ZDHHC9: variants seen among roughly 807,000 people sequenced by gnomAD.
ZDHHC9 encodes the protein palmitoyltransferase ZDHHC9.
Under a neutral mutation model 26.6 loss-of-function variants are expected in ZDHHC9, and 3 were observed. The observed-to-expected ratio is 0.11, with a 90% confidence interval of 0.05 to 0.29. The LOEUF (loss-of-function observed/expected upper bound fraction) is 0.29, where lower values mean the gene tolerates loss of function less well. Among genes scored for constraint, ZDHHC9 ranks in the 10% least tolerant of loss-of-function variants. The pLI is 1.00. For missense variants in ZDHHC9, 146 were observed against 296.4 expected (o/e 0.49, Z 3.73); for synonymous variants, 111 against 109.4 (o/e 1.01, Z -0.09).
intron 5 of ZDHHC9, among the ~76,000 whole-genome samples, chrX:129,821,065 A>G (rs1157206401): frequency 1.8e-5 from 2 of 111,678 alleles, no homozygotes; most frequent in East Asian, 5.6e-4. Context: ...TCATTAGAGA[A>G]ATGCAAATCA....
chrX:129,810,946 T>C lies in ZDHHC9; in HGVS notation c.937A>G (p.Ser313Gly), dbSNP rs750190022. Residue 313 changes from serine to glycine, a missense_variant, in exon 10 of 11, where the codon AGT (serine) becomes GGT (glycine). Coordinates refer to ENST00000357166, the MANE Select transcript of ZDHHC9 (RefSeq NM_016032.4). ...PLEESGSRPPSTQETSSSLLP... is the reference protein window; with the variant it reads ...PLEESGSRPPGTQETSSSLLP... Reference sequence around the variant, plus strand: ...AGGCTGCTACTGGTCTCTTGAGTACTGGGAGGTCGACTTCCACTTTCCTCC... The same window carrying C: ...AGGCTGCTACTGGTCTCTTGAGTACCGGGAGGTCGACTTCCACTTTCCTCC... 15 of 1,211,733 alleles carry C rather than the reference T, an allele frequency of 1.2e-5. No homozygotes were observed. In the East Asian group the frequency reaches 2.1e-4, roughly 17 times the overall value.
intron 9 of ZDHHC9, among the ~76,000 whole-genome samples, 190 bp from the exon 10 acceptor site, chrX:129,811,191 GAACA>G (rs775237516): frequency 5.4e-5 from 6 of 111,612 alleles, no homozygotes; most frequent in Non-Finnish European, 9.4e-5. Flanking sequence ...ATTAACCAGG[GAACA>G]AACAAATGAA....
intron 7 of ZDHHC9, 98 bp from the exon 8 acceptor site, chrX:129,812,918 G>A (rs1308047617): frequency 1.2e-5 from 7 of 582,007 alleles, no homozygotes; most frequent in Admixed American, 4.9e-5. Context: ...TTACCTCCTG[G>A]AACGTATATC....
chrX:129,837,056 T>C (rs188795569), intron 3 of ZDHHC9, among the ~76,000 whole-genome samples: 1 of 112,194 alleles, frequency 8.9e-6, no homozygotes, highest in African/African-American at 3.2e-5. Flanking sequence ...GCTGGTCAAC[T>C]CATCTTGATA....
At chrX:129,837,983 T>G (rs1928296813) in intron 3 of ZDHHC9, among the ~76,000 whole-genome samples, 1 of 112,460 alleles carries the variant, frequency 8.9e-6, no homozygotes, top group South Asian at 3.6e-4. Context: ...CAGGCCAAGC[T>G]GGTAGCTATG....
At chrX:129,828,390 A>G (rs2124123650) in intron 4 of ZDHHC9, among the ~76,000 whole-genome samples, 2 of 110,037 alleles carry the variant, frequency 1.8e-5, no homozygotes, top group African/African-American at 6.6e-5. Flanking sequence ...TGGGAGATCA[A>G]GGCGGGCGGA....
At chrX:129,831,354 T>C (rs1928135769) in intron 3 of ZDHHC9, among the ~76,000 whole-genome samples, 2 of 111,599 alleles carry the variant, frequency 1.8e-5, no homozygotes, top group African/African-American at 6.5e-5. Context: ...GGATGTATAG[T>C]CTCCAATCAA....
chrX:129,807,174 C>T (rs1183725573), intron 10 of ZDHHC9, among the ~76,000 whole-genome samples: 3 of 112,414 alleles, frequency 2.7e-5, no homozygotes, highest in Non-Finnish European at 5.6e-5. Flanking sequence ...TGGCCGGGCG[C>T]GGTGGCTCAC....
In ZDHHC9 at chrX:129,809,508, G is replaced by A. The variant is rs776202066; in HGVS notation, c.978+1397C>T. Reference sequence around the variant, plus strand: ...TTTCATTTACATGAAATACCCAGAAGAGAGAAATCTGTACTAAAAGGAAGT... The same window carrying A: ...TTTCATTTACATGAAATACCCAGAAAAGAGAAATCTGTACTAAAAGGAAGT... On this transcript the variant is annotated intron_variant, in intron 10 of 10. Coordinates refer to ENST00000357166, the MANE Select transcript of ZDHHC9 (RefSeq NM_016032.4). Among the ~76,000 whole-genome samples, 9 of 111,951 alleles carry A rather than the reference G, an allele frequency of 8.0e-5. No homozygotes were observed. In the South Asian group the frequency reaches 3.3e-3, roughly 41 times the overall value.
chrX:129,810,018 A>G (rs1181536926), intron 10 of ZDHHC9, among the ~76,000 whole-genome samples: 4 of 91,727 alleles, frequency 4.4e-5, no homozygotes, highest in African/African-American at 1.6e-4. Context: ...ATTGGGACCT[A>G]TGGTATGTGA....
chrX:129,840,019 G>A (rs1472052747), intron 3 of ZDHHC9, among the ~76,000 whole-genome samples: 1 of 111,762 alleles, frequency 8.9e-6, no homozygotes, highest in African/African-American at 3.3e-5. Context: ...ACCTGCCTCT[G>A]TCAAATGGTA....
intron 7 of ZDHHC9, 28 bp from the exon 8 acceptor site, chrX:129,812,848 A>T (rs780495598): frequency 1.9e-6 from 2 of 1,080,277 alleles, no homozygotes; most frequent in Admixed American, 4.4e-5. Flanking sequence ...AGTATTGAAG[A>T]ACTCAACATC....
intron 3 of ZDHHC9, among the ~76,000 whole-genome samples, chrX:129,829,638 G>C (rs949820642): frequency 4.5e-5 from 5 of 112,147 alleles, no homozygotes; most frequent in African/African-American, 6.5e-5. Flanking sequence ...GAGTATCTCA[G>C]CATGCTTCAA....
chrX:129,828,513 T>G lies in ZDHHC9; in HGVS notation c.328+468A>C, dbSNP rs189989928. 2.4e-3 allele frequency among the ~76,000 whole-genome samples: 266 copies of G among 110,307 alleles called. 1 individual carries two copies. Among genetic ancestry groups the G allele is most frequent in the African/African-American group, 8.6e-3 (259 of 30,267 alleles). On this transcript the variant is annotated intron_variant, in intron 4 of 10. Coordinates refer to ENST00000357166, the MANE Select transcript of ZDHHC9 (RefSeq NM_016032.4). The stretch of plus-strand genomic sequence containing the variant: ...GGCATGTGACTGTAATCCCAGCTAC[T>G]CGGGAGGCTGAGGCAGGAGAATCAC...
chrX:129,837,154 A>G (rs1928279232), intron 3 of ZDHHC9, among the ~76,000 whole-genome samples: 1 of 111,847 alleles, frequency 8.9e-6, no homozygotes, highest in Admixed American at 9.5e-5. Flanking sequence ...CTACCATCCT[A>G]TGATTCTGTG....
chrX:129,824,537 G>A (rs1006791132), intron 4 of ZDHHC9, among the ~76,000 whole-genome samples: 1 of 111,413 alleles, frequency 9.0e-6, no homozygotes, highest in Non-Finnish European at 1.9e-5. Flanking sequence ...TGATCCGCCC[G>A]CCTCAGCCTC....
Position 129,806,219 on chromosome X carries a change from G to A in ZDHHC9, c.*151C>T. ...AGAAATTTAAAAAAGCTTGCAGCAA[G>A]AAAATGCCAGTGTGCAACTGGGTGA... is the stretch of plus-strand genomic sequence containing the variant. On this transcript the variant is annotated 3_prime_UTR_variant, in exon 11 of 11. Transcript: ENST00000357166. The A allele has an allele frequency of 1.8e-6, 1 of 552,278 alleles. No homozygotes were observed. The highest frequency in any genetic ancestry group is 3.2e-6 in the Non-Finnish European group (1 of 314,051). The allele number at this position is 552,278 out of a possible 1,213,427, so 45.5% of individuals were successfully genotyped here.
At chrX:129,809,042 G>A (rs1215344662) in intron 10 of ZDHHC9, among the ~76,000 whole-genome samples, 1 of 112,225 alleles carries the variant, frequency 8.9e-6, no homozygotes, top group East Asian at 2.8e-4. Context: ...CACTAAGATG[G>A]CTAGACTCAA....
Position 129,842,091 on chromosome X carries a change from G to A in ZDHHC9, c.-135-11C>T. On this transcript the variant is annotated splice_polypyrimidine_tract_variant and intron_variant, in intron 2 of 10. Transcript: ENST00000357166. ...GTCCAATTGCTAGCCCTAAGAAAAA[G>A]CAGAAAAAGAAAAAAAAATGAGGCA... is the stretch of plus-strand genomic sequence containing the variant. The A allele has an allele frequency of 8.7e-6, 6 of 688,630 alleles. No individual in the cohort carries two copies. The highest frequency in any genetic ancestry group is 6.3e-5 in the Admixed American group (2 of 31,671). The allele number at this position is 688,630 out of a possible 1,213,427, so 56.8% of individuals were successfully genotyped here.
Sources: allele counts gnomAD v4.1 joint callset (sites outside exome capture counted in the v4.1 genomes callset), GRCh38; gene constraint gnomAD v4.1.1; transcripts MANE v1.5; gene names NCBI Gene and HGNC (gene_info 2026-07-23, HGNC 2026-07-21).